Variants in FCAMR observed in about 807,000 individuals in gnomAD.
FCAMR encodes the protein Fc alpha and mu receptor.
In FCAMR, 51 loss-of-function variants were observed where a neutral mutation model predicts 52.2. The observed-to-expected ratio is 0.98, with a 90% CI of 0.78 to 1.23. FCAMR has a LOEUF of 1.23. Among genes scored for constraint, FCAMR ranks in the 50% most tolerant of loss-of-function variants. The probability of loss-of-function intolerance (pLI) is 0.00; values close to 1 mark genes in which losing one functional copy is unlikely to be tolerated. For synonymous variants in FCAMR, 282 were observed against 262.0 expected (o/e 1.08, Z -0.74); for missense variants, 719 against 712.6 (o/e 1.01, Z -0.10).
In FCAMR at chr1:206,959,687, C is replaced by T. The variant is rs766321654; in HGVS notation, c.1565G>A (p.Arg522Lys). 1 of 1,613,856 alleles carries T rather than the reference C, an allele frequency of 6.2e-7. No individual in the cohort carries two copies. Among genetic ancestry groups the T allele is most frequent in the South Asian group, 1.1e-5 (1 of 91,070 alleles). ...LVLLQRKLWR[R>K]RTSQEAERVT... ...GGGGCTACTCAACTCACAGGTCCTCCTTCTCCAGAGCTTCCTTTGCAATAG... is the reference window on the plus strand; with the variant it reads ...GGGGCTACTCAACTCACAGGTCCTCTTTCTCCAGAGCTTCCTTTGCAATAG... Residue 522 changes from arginine to lysine, a missense_variant, in exon 7 of 8, where the codon AGG becomes AAG. Arg to Lys is a conservative substitution (Grantham distance 26, BLOSUM62 2). Transcript: ENST00000324852.
At chr1:206,965,325 G>A (rs763058369) in intron 4 of FCAMR, among the ~76,000 whole-genome samples, 1 of 152,112 alleles carries the variant, frequency 6.6e-6, no homozygotes, top group Non-Finnish European at 1.5e-5. Context: ...ATCAACCCTT[G>A]CAAATGCACA....
chr1:206,960,188 C>G (rs1458708232), intron 6 of FCAMR: 8 of 552,098 alleles, frequency 1.4e-5, no homozygotes, highest in Non-Finnish European at 2.6e-5. Context: ...AATGAAGGTT[C>G]CAGCCTAAAT....
rs369030678 is a variant in FCAMR, at chr1:206,970,358, C to A, written c.-233G>T. The A allele has an allele frequency of 2.0e-6, 1 of 511,646 alleles. No homozygotes were observed. 31.7% of individuals were successfully genotyped at this position (511,646 alleles called of 1,614,324 possible). The stretch of plus-strand genomic sequence containing the variant: ...TTTATAAGAGGAAGCCAGTCCTAAT[C>A]CCTTGTCATTCTTACTGTCACTTAT... On this transcript the variant is annotated 5_prime_UTR_variant, in exon 1 of 8. Transcript: ENST00000324852.
At chr1:206,962,129 T>C in intron 5 of FCAMR, 84 bp downstream of exon 5, 1 of 1,379,156 alleles carries the variant, frequency 7.3e-7, no homozygotes, top group Non-Finnish European at 1.0e-6. Flanking sequence ...TTCAAGCCCT[T>C]CTGGGTCTCT....
intron 1 of FCAMR, among the ~76,000 whole-genome samples, chr1:206,968,753 A>G (rs1031569139): frequency 3.9e-5 from 6 of 152,188 alleles, no homozygotes; most frequent in South Asian, 2.1e-4. Context: ...AGGAGGTGAA[A>G]GAAGGGAAAA....
At chr1:206,958,798 G>A (rs1680366185) in intron 7 of FCAMR, 122 bp from the exon 8 acceptor site, 10 of 1,337,598 alleles carry the variant, frequency 7.5e-6, no homozygotes, top group Non-Finnish European at 1.1e-5. Context: ...AAGCAATGGA[G>A]CCCTAGTTGG....
chr1:206,960,727 T>C lies in FCAMR; in HGVS notation c.1149A>G (p.Ser383=). 6.4e-7 allele frequency: 1 copy of C among 1,552,378 alleles called. No individual in the cohort carries two copies. Among genetic ancestry groups the C allele is most frequent in the East Asian group, 2.4e-5 (1 of 40,928 alleles). Reference sequence around the variant, plus strand: ...GGAGGATTTCCCAGGCCAAAGTTTCTGAGACCAGAGCTGGTGGCCCAATGG... The same window carrying C: ...GGAGGATTTCCCAGGCCAAAGTTTCCGAGACCAGAGCTGGTGGCCCAATGG... ...LGTIGPPALV[S]ETLAWEILPQ... is the part of the protein sequence containing the mutation. The change falls in exon 6 of 8, where the codon TCA becomes TCG. Residue 383 remains serine (S), a synonymous_variant. Transcript: ENST00000324852.
chr1:206,969,515 G>A (rs149078632), intron 1 of FCAMR, among the ~76,000 whole-genome samples: 1 of 152,314 alleles, frequency 6.6e-6, no homozygotes, highest in Non-Finnish European at 1.5e-5. Flanking sequence ...GAGACCATAT[G>A]AGGGGACTCT....
chr1:206,965,586 T>G, intron 4 of FCAMR, 129 bp downstream of exon 4: 1 of 1,145,344 alleles, frequency 8.7e-7, no homozygotes, highest in Non-Finnish European at 1.2e-6. Context: ...TACTCAGCAA[T>G]TGTCTATTGC....
chr1:206,965,557 G>A (rs1037926471), intron 4 of FCAMR, among the ~76,000 whole-genome samples, 158 bp downstream of exon 4: 2 of 152,148 alleles, frequency 1.3e-5, no homozygotes, highest in Non-Finnish European at 2.9e-5. Flanking sequence ...GGGTGCCCTG[G>A]CTCTCATCCC....
intron 6 of FCAMR, 65 bp from the exon 7 acceptor site, chr1:206,959,862 A>G (rs974638806): frequency 1.5e-5 from 19 of 1,256,700 alleles, no homozygotes; most frequent in Non-Finnish European, 2.2e-5. Context: ...ATTAAAGACC[A>G]TTTACCCACA....
Position 206,970,434 on chromosome 1 carries a change from A to C in FCAMR, c.-309T>G. On this transcript the variant is annotated 5_prime_UTR_variant, in exon 1 of 8. Transcript: ENST00000324852. ...TAACAGTAGCTTCAAAAAAGAAAACACTGATCCATATCCTTCCTCCTCTTG... is the reference window on the plus strand; with the variant it reads ...TAACAGTAGCTTCAAAAAAGAAAACCCTGATCCATATCCTTCCTCCTCTTG... 1 of 312,234 alleles carries C rather than the reference A, an allele frequency of 3.2e-6. No individual in the cohort carries two copies. The highest frequency in any genetic ancestry group is 5.9e-6 in the Non-Finnish European group (1 of 169,008). The allele number at this position is 312,234 out of a possible 1,614,324, so 19.3% of individuals were successfully genotyped here.
rs1241512142 is a variant in FCAMR at position 206,958,502 on chromosome 1, C to A, written c.*14G>T. ...CTTCTCCCATGGTAACTGAGCAGTT[C>A]ATCTCTCTGTCCCTCAGGGTCCTGG... On this transcript the variant is annotated 3_prime_UTR_variant, in exon 8 of 8. Coordinates refer to ENST00000324852, the MANE Select transcript of FCAMR (RefSeq NM_001170631.2). The A allele has an allele frequency of 6.2e-7, 1 of 1,606,830 alleles. No homozygotes were observed.
At chr1:206,969,827 TTC>T (rs1445646715) in intron 1 of FCAMR, among the ~76,000 whole-genome samples, 5 of 152,230 alleles carry the variant, frequency 3.3e-5, no homozygotes, top group Non-Finnish European at 5.9e-5. Flanking sequence ...TCCGTGTTTC[TTC>T]TCTTTCTAAC....
intron 7 of FCAMR, 27 bp from the exon 8 acceptor site, chr1:206,958,703 G>A: frequency 6.2e-7 from 1 of 1,613,882 alleles, no homozygotes; most frequent in Non-Finnish European, 8.5e-7. Context: ...CAGACTGTGA[G>A]GGTTCTGGGT....
In FCAMR at chr1:206,959,781, C is replaced by T. The variant is rs372937296; in HGVS notation, c.1471G>A (p.Glu491Lys). ...GGAGCCAGGGTCCGAGAGCTGCTTT[C>T]ATCTTCTGGAAAAGTACTACAGTGG... ...SSVKRTFPEDESSSRTLAPVS... is the reference protein window; with the variant it reads ...SSVKRTFPEDKSSSRTLAPVS... Residue 491 changes from glutamate to lysine, a missense_variant, in exon 7 of 8, where the codon GAA (glutamate) becomes AAA (lysine). Physicochemically the swap from Glu to Lys is moderately conservative, Grantham distance 56 (BLOSUM62 1). Transcript: ENST00000324852. 207 of 1,613,992 alleles carry T rather than the reference C, an allele frequency of 1.3e-4. No homozygotes were observed. Among genetic ancestry groups the T allele is most frequent in the Non-Finnish European group, 1.7e-4 (199 of 1,179,980 alleles).
intron 4 of FCAMR, among the ~76,000 whole-genome samples, chr1:206,964,591 C>T (rs906278397): frequency 3.3e-5 from 5 of 151,716 alleles, no homozygotes; most frequent in Non-Finnish European, 5.9e-5. Flanking sequence ...TTCCCTCTTG[C>T]GCCATGTGCT....
chr1:206,962,631 GC>G, intron 4 of FCAMR, 80 bp from the exon 5 acceptor site: 1 of 1,231,398 alleles, frequency 8.1e-7, no homozygotes, highest in Non-Finnish European at 1.1e-6. Flanking sequence ...TCTGAACTCT[GC>G]CAGAATTAGG....
chr1:206,962,956 C>T lies in FCAMR; in HGVS notation c.314-405G>A, dbSNP rs969984466. 7.2e-5 allele frequency among the ~76,000 whole-genome samples: 11 copies of T among 152,162 alleles called. No individual in the cohort carries two copies. In the East Asian group the frequency reaches 2.1e-3, roughly 29 times the overall value. ...TTTAGACAACACAGTCCAAACTATG[C>T]CACCAATGATAACATTAAATGGTAA... On this transcript the variant is annotated intron_variant, in intron 4 of 7. Transcript: ENST00000324852.
Sources: allele counts gnomAD v4.1 joint callset (sites outside exome capture counted in the v4.1 genomes callset), GRCh38; gene constraint gnomAD v4.1.1; transcripts MANE v1.5; gene names NCBI Gene and HGNC (gene_info 2026-07-23, HGNC 2026-07-21).